DDX24: variants seen among roughly 807,000 people sequenced by gnomAD.
The protein encoded by DDX24 is DEAD-box helicase 24, also known as ATP-dependent RNA helicase DDX24.
Under a neutral mutation model 68.9 loss-of-function variants are expected in DDX24, and 24 were observed. The observed-to-expected ratio is 0.35, with a 90% CI of 0.25 to 0.49. The LOEUF (loss-of-function observed/expected upper bound fraction) is 0.49. Among genes scored for constraint, DDX24 ranks in the 20% least tolerant of loss-of-function variants. The pLI is 0.99. For missense variants in DDX24, 989 were observed against 1,039.0 expected (o/e 0.95, Z 0.66); for synonymous variants, 395 against 385.2 (o/e 1.03, Z -0.30).
intron 8 of DDX24, 124 bp from the exon 9 acceptor site, chr14:94,051,586 C>G: frequency 7.5e-7 from 1 of 1,338,268 alleles, no homozygotes; most frequent in Non-Finnish European, 1.0e-6. Flanking sequence ...TTCAAAAGTT[C>G]TCTGAAGAAG....
rs1444988137 is a variant in DDX24, at chr14:94,079,122, G to C, written c.621C>G (p.Leu207=). 1 of 1,614,214 alleles carries C rather than the reference G, an allele frequency of 6.2e-7. No homozygotes were observed. The highest frequency in any genetic ancestry group is 8.5e-7 in the Non-Finnish European group (1 of 1,180,040). ...TGGGTGCAGAGAAGCCTAGAAAGCT[G>C]AGTGCTCGGAGAACCGGCCTGGGAA... ...LFVPRPVLRA[L]SFLGFSAPTP... Residue 207 remains leucine, a synonymous_variant, in exon 2 of 9, where the codon CTC becomes CTG. Coordinates refer to ENST00000621632, the MANE Select transcript of DDX24 (RefSeq NM_020414.4).
At position 94,060,544 on chromosome 14, in the gene DDX24, T is replaced by C. The variant is rs997776275; in HGVS notation, c.1467A>G (p.Leu489=). 7 of 1,614,206 alleles carry C rather than the reference T, an allele frequency of 4.3e-6. No homozygotes were observed. Among genetic ancestry groups the C allele is most frequent in the Admixed American group, 3.3e-5 (2 of 60,028 alleles). The change falls in exon 5 of 9, where the codon CTA becomes CTG. Residue 489 remains leucine, a synonymous_variant. Transcript: ENST00000621632. The part of the protein sequence containing the change: ...KGHFAELSQL[L]EMLNDSQYNP... ...TGTATTGGGAGTCATTGAGCATCTC[T>C]AGCAGCTGTGAGAGCTCAGCAAAAT...
Position 94,077,359 on chromosome 14 carries a change from A to T in DDX24, c.718+1666T>A, listed in dbSNP as rs558173520. ...TGACAGGAACTGTGGTATACATCCA[A>T]ATGTCAATCTCTGGCCACAACGGCT... is the stretch of plus-strand genomic sequence containing the variant. On this transcript the variant is annotated intron_variant, in intron 2 of 8. Transcript: ENST00000621632. 2.6e-5 allele frequency among the ~76,000 whole-genome samples: 4 copies of T among 152,328 alleles called. No homozygotes were observed. The South Asian group carries it at 8.3e-4, about 32-fold the overall frequency.
chr14:94,054,750 G>A (rs113727748), intron 7 of DDX24, among the ~76,000 whole-genome samples: 1,587 of 152,306 alleles, frequency 0.01, 35 homozygotes, highest in African/African-American at 0.036. Context: ...GAGGAGGGGG[G>A]ACTTCAGGGC....
In DDX24 at chr14:94,062,394, C is replaced by T. The variant is rs35413935; in HGVS notation, c.946G>A (p.Glu316Lys). The change falls in exon 3 of 9, where the codon GAG (glutamate) becomes AAG (lysine). Residue 316 changes from glutamate to lysine, a missense_variant. This residue lies in a region of DDX24 where 691 missense variants were observed against 760.0 expected (regional missense o/e 0.91). Transcript: ENST00000621632. ...GTGCCTCCAGTCTTGGCTCTGGCCT[C>T]GGCTGCAATATCACTGGGCAGTGCT... ...SEALPSDIAAEARAKTGGTVS... is the reference protein window; with the variant it reads ...SEALPSDIAAKARAKTGGTVS... The T allele has an allele frequency of 3.0e-3, 4,878 of 1,614,180 alleles. 141 individuals are homozygous for T. The African/African-American group carries it at 0.058, about 19-fold the overall frequency.
At chr14:94,077,534 C>T (rs1035093065) in intron 2 of DDX24, among the ~76,000 whole-genome samples, 8 of 152,222 alleles carry the variant, frequency 5.3e-5, no homozygotes, top group Non-Finnish European at 1.0e-4. Flanking sequence ...GGGAAGCTGT[C>T]TATGCTCTGT....
chr14:94,054,073 C>T (rs940692898), intron 7 of DDX24, among the ~76,000 whole-genome samples: 6 of 152,176 alleles, frequency 3.9e-5, no homozygotes, highest in African/African-American at 9.7e-5. Context: ...GAAGTCTTTA[C>T]GCAGATGCCA....
chr14:94,072,429 A>G (rs547725747), intron 2 of DDX24, among the ~76,000 whole-genome samples: 18 of 152,346 alleles, frequency 1.2e-4, no homozygotes, highest in Admixed American at 6.5e-4. Context: ...GAATGATACA[A>G]TGGACTCCGG....
chr14:94,075,014 C>G (rs1445032861), intron 2 of DDX24, among the ~76,000 whole-genome samples: 1 of 152,020 alleles, frequency 6.6e-6, no homozygotes, highest in African/African-American at 2.4e-5. Context: ...AGTTAAAGAT[C>G]TAAAGAAATG....
rs192666048 is a variant in DDX24 at position 94,079,644 on chromosome 14, C to A, written c.99G>T (p.Lys33Asn). 108 of 1,614,162 alleles carry A rather than the reference C, an allele frequency of 6.7e-5. No homozygotes were observed. Among genetic ancestry groups the A allele is most frequent in the Admixed American group, 3.0e-4 (18 of 60,020 alleles). ...CATCTGCAAACATATTTGGGTCAAT[C>A]TTCACTTCCTTCCATTTTCCCACAA... is the stretch of plus-strand genomic sequence containing the variant. ...IKVVGKWKEVKIDPNMFADGQ... is the reference protein window; with the variant it reads ...IKVVGKWKEVNIDPNMFADGQ... The change falls in exon 2 of 9, where the codon AAG becomes AAT. Residue 33 changes from lysine to asparagine, a missense_variant. Coordinates refer to ENST00000621632, the MANE Select transcript of DDX24 (RefSeq NM_020414.4).
chr14:94,054,908 G>T, intron 7 of DDX24, 88 bp downstream of exon 7: 1 of 1,438,394 alleles, frequency 7.0e-7, no homozygotes, highest in Non-Finnish European at 9.6e-7. Context: ...GTTTTCAAGG[G>T]TTATGCTGCC....
At position 94,060,294 on chromosome 14, in the gene DDX24, C is replaced by G; in HGVS notation, c.1717G>C (p.Asp573His). The G allele has an allele frequency of 6.2e-7, 1 of 1,614,214 alleles. No homozygotes were observed. The highest frequency in any genetic ancestry group is 8.5e-7 in the Non-Finnish European group (1 of 1,180,044). ...LTETKIHCET[D>H]EKDFYLYYFL... ...TAGTACAAGTAGAAGTCTTTCTCATCAGTCTCACAATGGATCTTGGTCTCT... is the reference window on the plus strand; with the variant it reads ...TAGTACAAGTAGAAGTCTTTCTCATGAGTCTCACAATGGATCTTGGTCTCT... The change falls in exon 5 of 9, where the codon GAT (aspartate) becomes CAT (histidine). Residue 573 changes from aspartate (D) to histidine (H), a missense_variant. This residue lies in a region of DDX24 where 691 missense variants were observed against 760.0 expected (regional missense o/e 0.91). Transcript: ENST00000621632.
At chr14:94,051,569 G>A (rs1181564636) in intron 8 of DDX24, 107 bp from the exon 9 acceptor site, 3 of 1,434,318 alleles carry the variant, frequency 2.1e-6, no homozygotes, top group Admixed American at 2.6e-5. Flanking sequence ...ACTTTAGGGA[G>A]GCAGGGTTCA....
In DDX24 at chr14:94,062,365, G is replaced by A. The variant is rs1567059342; in HGVS notation, c.975C>T (p.Val325=). 1 of 1,614,208 alleles carries A rather than the reference G, an allele frequency of 6.2e-7. No homozygotes were observed. The highest frequency in any genetic ancestry group is 8.5e-7 in the Non-Finnish European group (1 of 1,180,036). Residue 325 remains valine, a synonymous_variant, in exon 3 of 9, where the codon GTC becomes GTT. Transcript: ENST00000621632. ...AEARAKTGGT[V]SDQALLFGDD... ...CACCAAAGAGCAACGCCTGGTCTGA[G>A]ACAGTGCCTCCAGTCTTGGCTCTGG... is the stretch of plus-strand genomic sequence containing the variant.
At chr14:94,078,045 T>C (rs979791844) in intron 2 of DDX24, among the ~76,000 whole-genome samples, 20 of 151,198 alleles carry the variant, frequency 1.3e-4, no homozygotes, top group African/African-American at 4.7e-4. Context: ...AAAAAAACTG[T>C]ATCTGTACTA....
chr14:94,054,588 G>A (rs973477076), intron 7 of DDX24, among the ~76,000 whole-genome samples: 1 of 152,178 alleles, frequency 6.6e-6, no homozygotes, highest in Admixed American at 6.5e-5. Flanking sequence ...GGGAATGCCT[G>A]CTGAGTTAAA....
chr14:94,055,295 G>C, intron 6 of DDX24, 111 bp from the exon 7 acceptor site: 1 of 1,121,824 alleles, frequency 8.9e-7, no homozygotes, highest in Admixed American at 2.6e-5. Context: ...CAGGCAGGTA[G>C]AAACTTCTGC....
chr14:94,057,977 A>G (rs1885521461), intron 5 of DDX24, 80 bp from the exon 6 acceptor site: 33 of 1,335,790 alleles, frequency 2.5e-5, no homozygotes, highest in Non-Finnish European at 3.4e-5. Context: ...TGAGCATCCT[A>G]AACATTACAG....
Position 94,053,132 on chromosome 14 carries a change from G to C in DDX24, c.2179-5C>G. 6.2e-7 allele frequency: 1 copy of C among 1,613,998 alleles called. No homozygotes were observed. Among genetic ancestry groups the C allele is most frequent in the Non-Finnish European group, 8.5e-7 (1 of 1,179,990 alleles). ...TCGAGCTAAACGGATTCGCTCCTGG[G>C]GGGAAGTAACAGAAAATATTCATCT... On this transcript the variant is annotated splice_region_variant and splice_polypyrimidine_tract_variant and intron_variant, in intron 7 of 8. Coordinates refer to ENST00000621632, the MANE Select transcript of DDX24 (RefSeq NM_020414.4).
Sources: gnomAD v4.1 joint callset for allele counts (sites outside exome capture counted in the v4.1 genomes callset) on GRCh38, gnomAD v4.1.1 for gene constraint, gnomAD v4.1.1 regional missense constraint, MANE v1.5 for transcripts, NCBI Gene and HGNC (gene_info 2026-07-23, HGNC 2026-07-21) for gene names.